Variants in BAIAP2 observed in about 807,000 individuals in gnomAD.
BAIAP2 encodes BAR/IMD domain containing adaptor protein 2.
BAIAP2 carries 18 observed loss-of-function variants against 63.0 expected under a neutral mutation model. That is an observed-to-expected ratio of 0.29 (90% CI 0.20 to 0.42). BAIAP2 has a LOEUF of 0.42. BAIAP2 is among the 10% of genes least tolerant of loss of function. The probability of loss-of-function intolerance (pLI) is 1.00; values close to 1 mark genes in which losing one functional copy is unlikely to be tolerated. For synonymous variants in BAIAP2, 386 were observed against 307.6 expected (o/e 1.25, Z -2.67); for missense variants, 610 against 734.3 (o/e 0.83, Z 1.96).
intron 13 of BAIAP2, among the ~76,000 whole-genome samples, 153 bp from the exon 14 acceptor site, chr17:81,115,617 C>G (rs2060465081): frequency 6.6e-6 from 1 of 152,230 alleles, no homozygotes; most frequent in Non-Finnish European, 1.5e-5. Context: ...CCCTGCCCCG[C>G]AAAGCAGCGT....
In BAIAP2 at chr17:81,057,972, G is replaced by GGGGGGCCCC; in HGVS notation, c.217+5_217+6insGGGGGCCCC. Reference sequence around the variant, plus strand: ...GCCAGGGCTCCAAAGAACTCGGTGAGACCCCCCCCCCCCCCCCGCCTGGTA... The same window carrying GGGGGGCCCC: ...GCCAGGGCTCCAAAGAACTCGGTGAGGGGGGCCCCACCCCCCCCCCCCCCCCGCCTGGTA... On this transcript the variant is annotated splice_donor_region_variant and intron_variant, in intron 3 of 13. Transcript: ENST00000428708. 1.1e-6 allele frequency: 1 copy of GGGGGGCCCC among 911,328 alleles called. No homozygotes were observed. Among genetic ancestry groups the GGGGGGCCCC allele is most frequent in the Non-Finnish European group, 1.5e-6 (1 of 674,554 alleles). 56.5% of individuals were successfully genotyped at this position (911,328 alleles called of 1,614,324 possible).
At chr17:81,084,729 G>C (rs941876587) in intron 3 of BAIAP2, 103 bp from the exon 4 acceptor site, 4 of 1,155,180 alleles carry the variant, frequency 3.5e-6, no homozygotes, top group South Asian at 2.5e-5. Flanking sequence ...TGCTGCCTGT[G>C]GTCACAGGGC....
chr17:81,060,877 C>T (rs1001762852), intron 3 of BAIAP2, among the ~76,000 whole-genome samples: 6 of 152,220 alleles, frequency 3.9e-5, no homozygotes, highest in African/African-American at 1.4e-4. Context: ...AATCCTAGCA[C>T]GTTGGGAGGC....
chr17:81,084,062 G>C (rs560524908), intron 3 of BAIAP2, among the ~76,000 whole-genome samples: 7 of 152,204 alleles, frequency 4.6e-5, no homozygotes, highest in Non-Finnish European at 8.8e-5. Flanking sequence ...GGCCTCTGAC[G>C]GCGCTTACCC....
intron 1 of BAIAP2, among the ~76,000 whole-genome samples, chr17:81,036,317 C>G (rs888053426): frequency 6.6e-6 from 1 of 152,240 alleles, no homozygotes; most frequent in Non-Finnish European, 1.5e-5. Context: ...TCTGCAGGTT[C>G]AGTGACAGGC....
At chr17:81,095,056 C>CG (rs1237547944) in intron 6 of BAIAP2, among the ~76,000 whole-genome samples, 1 of 152,248 alleles carries the variant, frequency 6.6e-6, no homozygotes, top group African/African-American at 2.4e-5. Context: ...TCTCTGATCA[C>CG]GGGGCTGTTC....
intron 1 of BAIAP2, chr17:81,036,785 G>A: frequency 7.9e-7 from 1 of 1,261,370 alleles, no homozygotes; most frequent in Non-Finnish European, 1.1e-6. Context: ...TTGCTCTGTG[G>A]AAGCACATGT....
At chr17:81,079,716 G>T (rs746203923) in intron 3 of BAIAP2, among the ~76,000 whole-genome samples, 36 of 152,168 alleles carry the variant, frequency 2.4e-4, no homozygotes, top group South Asian at 6.2e-4. Context: ...CGGCTCTGCC[G>T]GTCTGTTCTG....
Position 81,057,971 on chromosome 17 carries a change from A to AG in BAIAP2, c.217+5dup, listed in dbSNP as rs2049866352. ...AGCCAGGGCTCCAAAGAACTCGGTG[A>AG]GACCCCCCCCCCCCCCCCGCCTGGT... On this transcript the variant is annotated splice_donor_region_variant and intron_variant, in intron 3 of 13. Transcript: ENST00000428708. The AG allele has an allele frequency of 1.5e-5, 10 of 664,810 alleles. 1 individual carries two copies. Among genetic ancestry groups the AG allele is most frequent in the African/African-American group, 1.0e-4 (3 of 29,082 alleles). 41.2% of individuals were successfully genotyped at this position (664,810 alleles called of 1,614,324 possible).
chr17:81,078,799 A>G (rs2054135164), intron 3 of BAIAP2, among the ~76,000 whole-genome samples: 1 of 152,040 alleles, frequency 6.6e-6, no homozygotes, highest in Non-Finnish European at 1.5e-5. Context: ...CCAGGCTGGC[A>G]GCAGATCTTG....
At chr17:81,099,714 A>G (rs938467308) in intron 6 of BAIAP2, among the ~76,000 whole-genome samples, 1 of 151,840 alleles carries the variant, frequency 6.6e-6, no homozygotes, top group African/African-American at 2.4e-5. Flanking sequence ...CCTTCTGGGG[A>G]TGTGGCCATC....
chr17:81,085,461 A>G lies in BAIAP2; in HGVS notation c.280-193A>G, dbSNP rs533540590. 1.0e-4 allele frequency: 70 copies of G among 697,554 alleles called. No homozygotes were observed. The African/African-American group carries it at 1.0e-3, about 10-fold the overall frequency. The allele number at this position is 697,554 out of a possible 1,614,324, so 43.2% of individuals were successfully genotyped here. On this transcript the variant is annotated intron_variant, in intron 4 of 13. Transcript: ENST00000428708. ...TGTCCGACGTTCCAGACTCCTGTTCAGCACTCGCTCCTGGCTCCAGAGGGT... is the reference window on the plus strand; with the variant it reads ...TGTCCGACGTTCCAGACTCCTGTTCGGCACTCGCTCCTGGCTCCAGAGGGT...
At chr17:81,081,783 G>GA (rs1425529987) in intron 3 of BAIAP2, among the ~76,000 whole-genome samples, 7 of 152,198 alleles carry the variant, frequency 4.6e-5, no homozygotes, top group African/African-American at 1.7e-4. Flanking sequence ...TCCCGACCGT[G>GA]AGAGGCCACC....
intron 6 of BAIAP2, among the ~76,000 whole-genome samples, chr17:81,097,965 C>T (rs1231811375): frequency 6.6e-6 from 1 of 152,226 alleles, no homozygotes; most frequent in Non-Finnish European, 1.5e-5. Flanking sequence ...TCGAGCCCTC[C>T]CACTGTCGGG....
chr17:81,072,510 G>A (rs1346151270), intron 3 of BAIAP2, among the ~76,000 whole-genome samples: 1 of 152,210 alleles, frequency 6.6e-6, no homozygotes, highest in East Asian at 1.9e-4. Context: ...CCCCACTTGG[G>A]CCACAGCCTC....
chr17:81,057,976 C>CCA lies in BAIAP2; in HGVS notation c.217+10_217+11insAC. The CCA allele has an allele frequency of 5.5e-6, 1 of 183,452 alleles. No individual in the cohort carries two copies. Among genetic ancestry groups the CCA allele is most frequent in the East Asian group, 3.1e-4 (1 of 3,220 alleles). The allele number at this position is 183,452 out of a possible 1,614,324, so 11.4% of individuals were successfully genotyped here. A position where few individuals can be genotyped will look rare whatever the true frequency, so the allele number is the denominator to read the frequency against. The stretch of plus-strand genomic sequence containing the variant: ...GGGCTCCAAAGAACTCGGTGAGACC[C>CCA]CCCCCCCCCCCCCGCCTGGTAGTCG... On this transcript the variant is annotated intron_variant, in intron 3 of 13. Coordinates refer to ENST00000428708, the MANE Select transcript of BAIAP2 (RefSeq NM_001144888.2).
chr17:81,109,128 T>C, intron 13 of BAIAP2: 1 of 1,453,464 alleles, frequency 6.9e-7, no homozygotes, highest in Non-Finnish European at 9.1e-7. Context: ...CCCCATGCCT[T>C]TTGGTTGGTG....
intron 1 of BAIAP2, among the ~76,000 whole-genome samples, chr17:81,040,973 C>T (rs1195120820): frequency 1.3e-5 from 2 of 152,188 alleles, no homozygotes; most frequent in African/African-American, 2.4e-5. Context: ...GCTGAGGAGT[C>T]CCCTCTAGGG....
chr17:81,058,761 C>T (rs1442006996), intron 3 of BAIAP2, among the ~76,000 whole-genome samples: 1 of 152,204 alleles, frequency 6.6e-6, no homozygotes, highest in Non-Finnish European at 1.5e-5. Flanking sequence ...GACCGTCTCC[C>T]CGTGGCCGCC....
Sources: allele counts gnomAD v4.1 joint callset (sites outside exome capture counted in the v4.1 genomes callset), GRCh38; gene constraint gnomAD v4.1.1; transcripts MANE v1.5; gene names NCBI Gene and HGNC (gene_info 2026-07-23, HGNC 2026-07-21).